PRF1: variants seen among roughly 807,000 people sequenced by gnomAD.
The protein encoded by PRF1 is perforin-1.
A neutral mutation model predicts 11.7 loss-of-function variants in PRF1; 11 were observed. The observed-to-expected ratio is 0.94, with a 90% confidence interval of 0.59 to 1.56. The LOEUF is 1.56. Ranked by LOEUF, PRF1 falls within the 40% of genes most tolerant of loss-of-function variation. The probability of loss-of-function intolerance (pLI) is 0.00; values close to 1 mark genes in which losing one functional copy is unlikely to be tolerated. For synonymous variants in PRF1, 314 were observed against 327.8 expected, an observed-to-expected ratio of 0.96 and a Z score of 0.45; for missense variants, 729 against 751.0, an observed-to-expected ratio of 0.97 and a Z score of 0.34.
In PRF1 at chr10:70,600,652, G is replaced by A. The variant is rs976050745; in HGVS notation, c.251C>T (p.Thr84Ile). The A allele has an allele frequency of 6.2e-7, 1 of 1,613,600 alleles. No homozygotes were observed. The highest frequency in any genetic ancestry group is 1.3e-5 in the African/African-American group (1 of 75,058). The change falls in exon 2 of 3, where the codon ACC becomes ATC. Residue 84 changes from threonine to isoleucine, a missense_variant. By Grantham distance (89) the Thr-to-Ile change is moderately conservative. Coordinates refer to ENST00000441259, the MANE Select transcript of PRF1 (RefSeq NM_001083116.3). This position sits in a 1 kb window ranked among gnomAD's most constrained non-coding sequence, Gnocchi z 4.9. ...TLCENALQEG[T>I]LQRLPLALTN... ...GAGCGCCAGAGGCAGGCGCTGGAGG[G>A]TGCCCTCCTGTAGGGCATTTTCACA...
In PRF1 at chr10:70,597,571, G is replaced by A. The variant is rs183113813; in HGVS notation, c.*482C>T. ...AGCCCTGAGCAGCCTGGTGGGAACA[G>A]CCTCTTGGCCTTCTGCCCAGCTCCT... On this transcript the variant is annotated 3_prime_UTR_variant, in exon 3 of 3. Coordinates refer to ENST00000441259, the MANE Select transcript of PRF1 (RefSeq NM_001083116.3). 8.2e-4 allele frequency: 385 copies of A among 469,908 alleles called. 2 individuals are homozygous for A. Among genetic ancestry groups the A allele is most frequent in the African/African-American group, 7.3e-3 (369 of 50,500 alleles). The allele number at this position is 469,908 out of a possible 1,614,324, so 29.1% of individuals were successfully genotyped here.
chr10:70,598,919 T>C lies in PRF1; in HGVS notation c.802A>G (p.Ile268Val). The change falls in exon 3 of 3, where the codon ATC becomes GTC. Residue 268 changes from isoleucine to valine, a missense_variant. Physicochemically the swap from Ile to Val is conservative, Grantham distance 29 (BLOSUM62 3). Transcript: ENST00000441259. ...GCTTCGGCAGAGATGCTGCCGTGGA[T>C]GCCTATGTTGACCTGGGCCTCGACA... ...LTVEAQVNIG[I>V]HGSISAEAKA... 2 of 1,614,248 alleles carry C rather than the reference T, an allele frequency of 1.2e-6. No homozygotes were observed. Among genetic ancestry groups the C allele is most frequent in the East Asian group, 2.2e-5 (1 of 44,884 alleles).
rs772537976 is a variant in PRF1 at position 70,599,112 on chromosome 10, G to T, written c.609C>A (p.His203Gln). 4.3e-6 allele frequency: 7 copies of T among 1,614,086 alleles called. No homozygotes were observed. In the African/African-American group the frequency reaches 9.3e-5, roughly 22 times the overall value. The change falls in exon 3 of 3, where the codon CAC becomes CAA. Residue 203 changes from histidine to glutamine, a missense_variant. His to Gln is a conservative substitution (Grantham distance 24). Transcript: ENST00000441259. ...FKRALGDLPH[H>Q]FNASTQPAYL... The stretch of plus-strand genomic sequence containing the variant: ...AGGCGGGCTGGGTGGAGGCGTTGAA[G>T]TGGTGGGGCAGGTCCCCGAGGGCCC...
At chr10:70,599,264 G>A (rs1848185348) in intron 2 of PRF1, 83 bp from the exon 3 acceptor site, 5 of 1,537,344 alleles carry the variant, frequency 3.3e-6, no homozygotes, top group Admixed American at 1.9e-5. Flanking sequence ...ACTGCTCAAG[G>A]TCACATGTAA....
rs10999427 is a variant in PRF1 at position 70,600,303 on chromosome 10, C to A, written c.539+61G>T. 2.5e-6 allele frequency: 4 copies of A among 1,600,978 alleles called. No homozygotes were observed. The African/African-American group carries it at 5.4e-5, about 21-fold the overall frequency. ...GGAGGACTCTGCCTTTCCAGGGCTC[C>A]TAGACCACCCAGAGTTTCCCGCGCC... On this transcript the variant is annotated intron_variant, in intron 2 of 2. Coordinates refer to ENST00000441259, the MANE Select transcript of PRF1 (RefSeq NM_001083116.3). The surrounding 1 kb of genome is among the most constrained non-coding windows in gnomAD (Gnocchi z 4.9).
chr10:70,602,618 G>GC (rs1848247053), intron 1 of PRF1, 27 bp downstream of exon 1: 1 of 152,322 alleles, frequency 6.6e-6, no homozygotes, highest in East Asian at 1.9e-4. Flanking sequence ...AGGGCCCCAG[G>GC]CCCCCCAATC....
At chr10:70,601,441 T>G (rs115707598) in intron 1 of PRF1, among the ~76,000 whole-genome samples, 26 of 152,262 alleles carry the variant, frequency 1.7e-4, no homozygotes, top group African/African-American at 6.3e-4. Flanking sequence ...GGAAGAGAAA[T>G]GAGGTCCTAT....
rs781476866 is a variant in PRF1, at chr10:70,598,567, C to T, written c.1154G>A (p.Arg385Gln). ...GCATGGGTCTCGGGGGCTCTTCTGC[C>T]GCCCTGGTGGGCACGGCCGGCTGCA... ...RDCSRPCPPG[R>Q]QKSPRDPCQC... Residue 385 changes from arginine to glutamine, a missense_variant, in exon 3 of 3, where the codon CGG becomes CAG. Coordinates refer to ENST00000441259, the MANE Select transcript of PRF1 (RefSeq NM_001083116.3). The T allele has an allele frequency of 9.9e-6, 16 of 1,612,728 alleles. No individual in the cohort carries two copies. Among genetic ancestry groups the T allele is most frequent in the South Asian group, 1.1e-5 (1 of 91,018 alleles).
chr10:70,597,879 A>T lies in PRF1; in HGVS notation c.*174T>A. ...AAAAAATAGCAAAAAGAAACTCATA[A>T]TGTTTTAAGAAAGTTTGCGAATTTG... On this transcript the variant is annotated 3_prime_UTR_variant, in exon 3 of 3. Transcript: ENST00000441259. 1 of 747,372 alleles carries T rather than the reference A, an allele frequency of 1.3e-6. No individual in the cohort carries two copies. Among genetic ancestry groups the T allele is most frequent in the Non-Finnish European group, 2.2e-6 (1 of 459,220 alleles). The allele number at this position is 747,372 out of a possible 1,614,324, so 46.3% of individuals were successfully genotyped here.
intron 2 of PRF1, 31 bp from the exon 3 acceptor site, chr10:70,599,212 C>T (rs760525596): frequency 2.4e-5 from 38 of 1,612,842 alleles, no homozygotes; most frequent in Non-Finnish European, 3.1e-5. Flanking sequence ...CAGCTGGGCC[C>T]AGGGGAGTAT....
At position 70,597,858 on chromosome 10, in the gene PRF1, A is replaced by T. The variant is rs79084177; in HGVS notation, c.*195T>A. 1.5e-6 allele frequency: 1 copy of T among 677,192 alleles called. No homozygotes were observed. 41.9% of individuals were successfully genotyped at this position (677,192 alleles called of 1,614,324 possible). ...GCCGATGAGCTAAAAAAAAAAAAAA[A>T]ATAGCAAAAAGAAACTCATAATGTT... On this transcript the variant is annotated 3_prime_UTR_variant, in exon 3 of 3. Coordinates refer to ENST00000441259, the MANE Select transcript of PRF1 (RefSeq NM_001083116.3).
At position 70,598,754 on chromosome 10, in the gene PRF1, C is replaced by T. The variant is rs375522165; in HGVS notation, c.967G>A (p.Glu323Lys). ...GAGTTTACCCAGGCTGAGTACTGCT[C>T]GGGCCCGGCCTGGATCCCGAACAGC... ...DLLFGIQAGP[E>K]QYSAWVNSLP... Residue 323 changes from glutamate (E) to lysine (K), a missense_variant, in exon 3 of 3, where the codon GAG becomes AAG. Physicochemically the swap from Glu to Lys is moderately conservative, Grantham distance 56. Transcript: ENST00000441259. 4.3e-6 allele frequency: 7 copies of T among 1,614,236 alleles called. No homozygotes were observed. Among genetic ancestry groups the T allele is most frequent in the South Asian group, 2.2e-5 (2 of 91,082 alleles).
At chr10:70,599,279 G>A (rs1231615019) in intron 2 of PRF1, 98 bp from the exon 3 acceptor site, 9 of 1,471,420 alleles carry the variant, frequency 6.1e-6, no homozygotes, top group Non-Finnish European at 7.4e-6. Context: ...ATGTAAGTGG[G>A]CAGAACTAGG....
Position 70,600,336 on chromosome 10 carries a change from G to GC in PRF1, c.539+27dup, listed in dbSNP as rs763194265. On this transcript the variant is annotated intron_variant, in intron 2 of 2. Coordinates refer to ENST00000441259, the MANE Select transcript of PRF1 (RefSeq NM_001083116.3). The surrounding 1 kb of genome is among the most constrained non-coding windows in gnomAD (Gnocchi z 4.9). The stretch of plus-strand genomic sequence containing the variant: ...CCCAGAGTTTCCCGCGCCTTTTCCA[G>GC]CCCCCCACCCCTAGCCCCAGCTCTC... 24 of 1,613,380 alleles carry GC rather than the reference G, an allele frequency of 1.5e-5. No individual in the cohort carries two copies. The South Asian group carries it at 2.5e-4, about 17-fold the overall frequency.
rs1230400810 is a variant in PRF1, at chr10:70,598,140, G to T, written c.1581C>A (p.Pro527=). ...LKFRYHARCL[P]HLGGGTCLDY... is the part of the protein sequence containing the mutation. Reference sequence around the variant, plus strand: ...CCAGGCAGGTGCCTCCTCCCAGGTGGGGCAAGCACCTGGCATGATAGCGGA... The same window carrying T: ...CCAGGCAGGTGCCTCCTCCCAGGTGTGGCAAGCACCTGGCATGATAGCGGA... Residue 527 remains proline, a synonymous_variant, in exon 3 of 3, where the codon CCC becomes CCA. Coordinates refer to ENST00000441259, the MANE Select transcript of PRF1 (RefSeq NM_001083116.3). 2.5e-6 allele frequency: 4 copies of T among 1,614,064 alleles called. No individual in the cohort carries two copies. In the African/African-American group the frequency reaches 5.3e-5, roughly 22 times the overall value.
In PRF1 at chr10:70,599,193, G is replaced by T; in HGVS notation, c.540-12C>A. On this transcript the variant is annotated splice_polypyrimidine_tract_variant and intron_variant, in intron 2 of 2. Transcript: ENST00000441259. ...GTACCACATGGAAACTGCGAGAAGA[G>T]AGAGACCTCAGCTGGGCCCAGGGGA... 1 of 1,614,126 alleles carries T rather than the reference G, an allele frequency of 6.2e-7. No homozygotes were observed.
rs776713460 is a variant in PRF1 at position 70,598,798 on chromosome 10, T to A, written c.923A>T (p.His308Leu). The A allele has an allele frequency of 6.2e-7, 1 of 1,614,216 alleles. No homozygotes were observed. Among genetic ancestry groups the A allele is most frequent in the South Asian group, 1.1e-5 (1 of 91,082 alleles). ...GAACAGCAGGTCGTTAATGGAGGTG[T>A]GATGGCCGCCAACCACTTCCGAGTG... ...ERHSEVVGGH[H>L]TSINDLLFGI... The change falls in exon 3 of 3, where the codon CAC (histidine) becomes CTC (leucine). Residue 308 changes from histidine to leucine, a missense_variant. Transcript: ENST00000441259.
In PRF1 at chr10:70,600,682, G is replaced by A. The variant is rs537165894; in HGVS notation, c.221C>T (p.Thr74Ile). 3 of 1,613,926 alleles carry A rather than the reference G, an allele frequency of 1.9e-6. No individual in the cohort carries two copies. The highest frequency in any genetic ancestry group is 3.3e-5 in the Admixed American group (2 of 60,024). Residue 74 changes from threonine to isoleucine, a missense_variant, in exon 2 of 3, where the codon ACC (threonine) becomes ATC (isoleucine). Transcript: ENST00000441259. This position sits in a 1 kb window ranked among gnomAD's most constrained non-coding sequence, Gnocchi z 4.9. ...QRFLRPDGTCTLCENALQEGT... is the reference protein window; with the variant it reads ...QRFLRPDGTCILCENALQEGT... Reference sequence around the variant, plus strand: ...CTCCTGTAGGGCATTTTCACAGAGGGTGCAGGTGCCGTCGGGCCGCAGGAA... The same window carrying A: ...CTCCTGTAGGGCATTTTCACAGAGGATGCAGGTGCCGTCGGGCCGCAGGAA...
Position 70,598,651 on chromosome 10 carries a change from C to T in PRF1, c.1070G>A (p.Arg357Gln), listed in dbSNP as rs140787739. The T allele has an allele frequency of 2.4e-4, 390 of 1,613,648 alleles. 4 individuals carry two copies. The highest frequency in any genetic ancestry group is 1.7e-3 in the South Asian group (156 of 91,074). ...HVLLDSQDPR[R>Q]EALRRALSQY... is the part of the protein sequence containing the mutation. Reference sequence around the variant, plus strand: ...ACTCAGGGCCCTCCTCAGTGCCTCCCGCCGCGGGTCCTGGCTGTCCAGCAG... The same window carrying T: ...ACTCAGGGCCCTCCTCAGTGCCTCCTGCCGCGGGTCCTGGCTGTCCAGCAG... Residue 357 changes from arginine to glutamine, a missense_variant, in exon 3 of 3, where the codon CGG (arginine) becomes CAG (glutamine). Arg to Gln is a conservative substitution (Grantham distance 43, BLOSUM62 1). Coordinates refer to ENST00000441259, the MANE Select transcript of PRF1 (RefSeq NM_001083116.3).
Sources: allele counts gnomAD v4.1 joint callset (sites outside exome capture counted in the v4.1 genomes callset), GRCh38; gene constraint gnomAD v4.1.1; non-coding constraint Gnocchi (gnomAD v3.1); transcripts MANE v1.5; gene names NCBI Gene and HGNC (gene_info 2026-07-23, HGNC 2026-07-21).